The following VPS26B variants were observed in gnomAD, a reference collection of about 807,000 sequenced individuals.
VPS26B encodes the protein VPS26 retromer complex component B, also known as vacuolar protein sorting-associated protein 26B.
VPS26B carries 10 observed loss-of-function variants against 33.3 expected under a neutral mutation model. The ratio of observed to expected loss-of-function variants is 0.30; its 90% CI spans 0.19 to 0.51. The LOEUF (loss-of-function observed/expected upper bound fraction) is 0.51, where lower values mean the gene tolerates loss of function less well. Among genes scored for constraint, VPS26B ranks in the 20% least tolerant of loss-of-function variants. The pLI, the probability that VPS26B is intolerant of heterozygous loss-of-function variation, is 0.98. For missense variants in VPS26B, 317 were observed against 452.7 expected (o/e 0.70, Z 2.72); for synonymous variants, 190 against 176.9 (o/e 1.07, Z -0.59).
At chr11:134,239,835 C>G (rs564852407) in intron 2 of VPS26B, 156 bp from the exon 3 acceptor site, 3 of 775,134 alleles carry the variant, frequency 3.9e-6, no homozygotes, top group Non-Finnish European at 6.4e-6. Context: ...GCATCTTTCC[C>G]TGGAAGAGGG....
Position 134,245,663 on chromosome 11 carries a change from G to GGGCGGA in VPS26B, c.*74_*79dup. On this transcript the variant is annotated 3_prime_UTR_variant, in exon 6 of 6. Transcript: ENST00000281187. This position sits in a 1 kb window ranked among gnomAD's most constrained non-coding sequence, Gnocchi z 4.7. Reference sequence around the variant, plus strand: ...TACCAACACCAGCGGCTGGGGGCGGGGGCGGACCTTGTGAGGCTCAGTTGA... The same window carrying GGGCGGA: ...TACCAACACCAGCGGCTGGGGGCGGGGGCGGAGGCGGACCTTGTGAGGCTCAGTTGA... 6.7e-7 allele frequency: 1 copy of GGGCGGA among 1,498,716 alleles called. No individual in the cohort carries two copies. The highest frequency in any genetic ancestry group is 1.8e-4 in the Middle Eastern group (1 of 5,446). The allele number at this position is 1,498,716 out of a possible 1,614,324, so 92.8% of individuals were successfully genotyped here. A position where few individuals can be genotyped will look rare whatever the true frequency, so the allele number is the denominator to read the frequency against.
Position 134,245,351 on chromosome 11 carries a change from C to A in VPS26B, c.865-93C>A. 1.3e-6 allele frequency: 2 copies of A among 1,556,896 alleles called. No homozygotes were observed. The highest frequency in any genetic ancestry group is 2.4e-5 in the South Asian group (2 of 84,826). On this transcript the variant is annotated intron_variant, in intron 5 of 5. Coordinates refer to ENST00000281187, the MANE Select transcript of VPS26B (RefSeq NM_052875.5). This position sits in a 1 kb window ranked among gnomAD's most constrained non-coding sequence, Gnocchi z 4.7. ...GAGAGAAGCAGAGGAGGTCCTTGCCCGAGATTCCCCACGTCAAAGTTGGGA... is the reference window on the plus strand; with the variant it reads ...GAGAGAAGCAGAGGAGGTCCTTGCCAGAGATTCCCCACGTCAAAGTTGGGA...
intron 2 of VPS26B, chr11:134,239,700 A>G (rs1591882139): frequency 4.7e-6 from 2 of 424,502 alleles, no homozygotes; most frequent in Non-Finnish European, 8.8e-6. Flanking sequence ...CAAGGCAGAG[A>G]AATCACTTTC....
rs1010231036 is a variant in VPS26B, at chr11:134,240,715, C to T, written c.545+560C>T. Among the ~76,000 whole-genome samples, 3 of 151,962 alleles carry T rather than the reference C, an allele frequency of 2.0e-5. No individual in the cohort carries two copies. Among genetic ancestry groups the T allele is most frequent in the African/African-American group, 4.8e-5 (2 of 41,338 alleles). ...TAGACTCAAGCATTTCTCTCACCTC[C>T]GCCCCTACAAGTAGCTAGGAGCACA... is the stretch of plus-strand genomic sequence containing the variant. On this transcript the variant is annotated intron_variant, in intron 3 of 5. Coordinates refer to ENST00000281187, the MANE Select transcript of VPS26B (RefSeq NM_052875.5). The surrounding 1 kb of genome is among the most constrained non-coding windows in gnomAD (Gnocchi z 4.4).
intron 2 of VPS26B, chr11:134,236,251 C>T (rs1648222739): frequency 6.6e-6 from 1 of 152,126 alleles, no homozygotes; most frequent in African/African-American, 2.4e-5. Flanking sequence ...CTCATAATCG[C>T]ACCCAGAGAA....
chr11:134,244,979 C>G lies in VPS26B; in HGVS notation c.763C>G (p.Leu255Val), dbSNP rs758550271. The G allele has an allele frequency of 2.5e-6, 4 of 1,613,970 alleles. No homozygotes were observed. In the African/African-American group the frequency reaches 5.3e-5, roughly 22 times the overall value. Residue 255 changes from leucine (L) to valine (V), a missense_variant, in exon 5 of 6, where the codon CTC becomes GTC. Coordinates refer to ENST00000281187, the MANE Select transcript of VPS26B (RefSeq NM_052875.5). This position sits in a 1 kb window ranked among gnomAD's most constrained non-coding sequence, Gnocchi z 4.0. ...CCGGCTCTTCCTGGCCGGGTATGAG[C>G]TCACGCCCACCATGCGGGACATCAA... ...PIRLFLAGYELTPTMRDINKK... is the reference protein window; with the variant it reads ...PIRLFLAGYEVTPTMRDINKK...
intron 2 of VPS26B, chr11:134,236,836 A>C (rs868863600): frequency 6.6e-6 from 1 of 152,248 alleles, no homozygotes; most frequent in Non-Finnish European, 1.5e-5. Flanking sequence ...TTGGTGTTTA[A>C]TGAGTAGAGT....
At chr11:134,229,207 T>G (rs543528) in intron 1 of VPS26B, among the ~76,000 whole-genome samples, 86,852 of 151,748 alleles carry the variant, frequency 0.57, 27,252 homozygotes, top group South Asian at 0.74. Context: ...TTTTTTAAAT[T>G]TTATGTAGAG....
intron 2 of VPS26B, among the ~76,000 whole-genome samples, chr11:134,238,884 C>T (rs1040426968): frequency 2.6e-5 from 4 of 152,176 alleles, no homozygotes; most frequent in African/African-American, 4.8e-5. Context: ...CGTGAACCAC[C>T]GCGCCTGGCC....
intron 1 of VPS26B, among the ~76,000 whole-genome samples, chr11:134,232,581 G>A (rs1049628208): frequency 1.3e-5 from 2 of 152,220 alleles, no homozygotes; most frequent in Non-Finnish European, 2.9e-5. Context: ...GGGGCAGGCC[G>A]AACCTTCTGC....
chr11:134,235,133 G>A, intron 2 of VPS26B, 80 bp downstream of exon 2: 1 of 1,524,908 alleles, frequency 6.6e-7, no homozygotes, highest in African/African-American at 1.4e-5. Context: ...TCCCCACTTT[G>A]AGAATCTTCA....
At chr11:134,232,704 A>G (rs995235257) in intron 1 of VPS26B, among the ~76,000 whole-genome samples, 3 of 152,050 alleles carry the variant, frequency 2.0e-5, no homozygotes, top group African/African-American at 7.2e-5. Context: ...GTATTTTTCC[A>G]TCCTTTTCTT....
rs1938403383 is a variant in VPS26B at position 134,224,844 on chromosome 11, G to A, written c.-279G>A. The A allele has an allele frequency of 1.2e-5, 2 of 160,484 alleles. No homozygotes were observed. Among genetic ancestry groups the A allele is most frequent in the Middle Eastern group, 2.6e-3 (1 of 380 alleles). The allele number at this position is 160,484 out of a possible 1,614,324, so 9.9% of individuals were successfully genotyped here. On this transcript the variant is annotated 5_prime_UTR_variant, in exon 1 of 6. Transcript: ENST00000281187. ...GCCCGCCCACTGCCACCGGCCGCGG[G>A]ACTGGCTGGGACTGGCTCGGCCGAG...
At chr11:134,241,560 C>T (rs1363032535) in intron 3 of VPS26B, among the ~76,000 whole-genome samples, 1 of 152,212 alleles carries the variant, frequency 6.6e-6, no homozygotes, top group Non-Finnish European at 1.5e-5. Context: ...TGCGGTCCTG[C>T]CCAGAAAGGA....
intron 1 of VPS26B, among the ~76,000 whole-genome samples, chr11:134,233,095 GTGTT>G (rs1938580149): frequency 6.6e-6 from 1 of 152,174 alleles, no homozygotes. Context: ...AAACCACTGA[GTGTT>G]TGGAAAGGAA....
intron 2 of VPS26B, among the ~76,000 whole-genome samples, chr11:134,238,344 G>GT (rs1350584477): frequency 1.3e-5 from 2 of 152,148 alleles, no homozygotes; most frequent in African/African-American, 4.8e-5. Context: ...GGAGCACATT[G>GT]TAAGTCTTGA....
intron 2 of VPS26B, among the ~76,000 whole-genome samples, chr11:134,239,281 C>T (rs2033797198): frequency 6.6e-6 from 1 of 152,202 alleles, no homozygotes; most frequent in African/African-American, 2.4e-5. Flanking sequence ...TTTTCTCCCT[C>T]CACACAGCAC....
chr11:134,227,705 G>T (rs1214737402), intron 1 of VPS26B, among the ~76,000 whole-genome samples: 1 of 152,088 alleles, frequency 6.6e-6, no homozygotes, highest in Non-Finnish European at 1.5e-5. Flanking sequence ...CCACTCTCTG[G>T]GCCTCGGCTT....
intron 2 of VPS26B, among the ~76,000 whole-genome samples, chr11:134,237,222 G>A (rs1193269473): frequency 6.6e-6 from 1 of 152,236 alleles, no homozygotes; most frequent in Non-Finnish European, 1.5e-5. Flanking sequence ...GTAGCATTTG[G>A]TGGATGGGAA....
Sources: gnomAD v4.1 joint callset for allele counts (sites outside exome capture counted in the v4.1 genomes callset) on GRCh38, gnomAD v4.1.1 for gene constraint, Gnocchi (gnomAD v3.1) non-coding constraint, MANE v1.5 for transcripts, NCBI Gene and HGNC (gene_info 2026-07-23, HGNC 2026-07-21) for gene names.